UVRAG: variants seen among roughly 807,000 people sequenced by gnomAD.
The protein encoded by UVRAG is UV radiation resistance associated.
UVRAG carries 19 observed loss-of-function variants against 78.0 expected under a neutral mutation model. The ratio of observed to expected loss-of-function variants is 0.24; its 90% confidence interval spans 0.17 to 0.36. The LOEUF (loss-of-function observed/expected upper bound fraction) is 0.36. Ranked by LOEUF, UVRAG falls within the 10% of genes least tolerant of loss-of-function variation. The probability of loss-of-function intolerance (pLI) is 1.00; values close to 1 mark genes in which losing one functional copy is unlikely to be tolerated. For missense variants in UVRAG, 740 were observed against 853.8 expected, an observed-to-expected ratio of 0.87 and a Z score of 1.66; for synonymous variants, 323 against 324.6, an observed-to-expected ratio of 1.00 and a Z score of 0.05.
At chr11:75,945,194 G>A (rs1288009055) in intron 6 of UVRAG, among the ~76,000 whole-genome samples, 1 of 151,998 alleles carries the variant, frequency 6.6e-6, no homozygotes, top group East Asian at 1.9e-4. Flanking sequence ...TTAATTCCGT[G>A]GGTGTCTGTT....
At chr11:76,104,052 A>C (rs976433182) in intron 13 of UVRAG, among the ~76,000 whole-genome samples, 2 of 152,134 alleles carry the variant, frequency 1.3e-5, no homozygotes, top group African/African-American at 4.8e-5. Flanking sequence ...CAATATTTAG[A>C]CTGTGCGCTG....
intron 13 of UVRAG, among the ~76,000 whole-genome samples, chr11:76,066,558 T>C (rs1248026106): frequency 2.0e-5 from 3 of 152,084 alleles, no homozygotes; most frequent in African/African-American, 4.8e-5. Flanking sequence ...CTGCAACCTC[T>C]ACCTCCCGGG....
At chr11:75,986,468 G>T (rs1949503166) in intron 8 of UVRAG, among the ~76,000 whole-genome samples, 1 of 152,030 alleles carries the variant, frequency 6.6e-6, no homozygotes, top group Non-Finnish European at 1.5e-5. Flanking sequence ...TACAGTTACA[G>T]CCCTGCAGCT....
intron 12 of UVRAG, among the ~76,000 whole-genome samples, chr11:76,029,585 T>C (rs960170608): frequency 6.6e-6 from 1 of 152,148 alleles, no homozygotes; most frequent in Non-Finnish European, 1.5e-5. Context: ...AAGACTTCAG[T>C]GGAAGAAATA....
intron 8 of UVRAG, among the ~76,000 whole-genome samples, chr11:76,002,660 G>A (rs1445246013): frequency 6.6e-6 from 1 of 152,172 alleles, no homozygotes; most frequent in African/African-American, 2.4e-5. Flanking sequence ...TGAAGATTTG[G>A]GAAGGAGTTA....
chr11:75,951,368 T>TTTTTGTTTG (rs529777613), intron 6 of UVRAG, among the ~76,000 whole-genome samples: 113 of 150,408 alleles, frequency 7.5e-4, no homozygotes, highest in African/African-American at 2.6e-3. Flanking sequence ...TGTATATATT[T>TTTTTGTTTG]TTTGTTTGTT....
At chr11:76,057,802 T>C (rs539073094) in intron 12 of UVRAG, among the ~76,000 whole-genome samples, 1 of 152,168 alleles carries the variant, frequency 6.6e-6, no homozygotes, top group Non-Finnish European at 1.5e-5. Context: ...CCATAATAAT[T>C]TAGTATGGGT....
chr11:75,952,392 A>G (rs774207304), intron 6 of UVRAG, among the ~76,000 whole-genome samples: 4 of 151,512 alleles, frequency 2.6e-5, no homozygotes, highest in Admixed American at 6.6e-5. Context: ...ATTTTTTTCT[A>G]TAAACCTTTT....
chr11:75,949,935 AC>A (rs1948659148), intron 6 of UVRAG, among the ~76,000 whole-genome samples: 1 of 151,956 alleles, frequency 6.6e-6, no homozygotes, highest in Non-Finnish European at 1.5e-5. Context: ...TCCCTGGGAC[AC>A]TTTTCTTACT....
chr11:75,856,150 C>T (rs1422184182), intron 2 of UVRAG, among the ~76,000 whole-genome samples: 5 of 151,322 alleles, frequency 3.3e-5, no homozygotes, highest in African/African-American at 1.2e-4. Flanking sequence ...CCACCACGCC[C>T]AGCTAATTTT....
At chr11:76,043,174 G>A (rs991063940) in intron 12 of UVRAG, among the ~76,000 whole-genome samples, 1 of 152,002 alleles carries the variant, frequency 6.6e-6, no homozygotes, top group African/African-American at 2.4e-5. Flanking sequence ...TGAGTATGTA[G>A]GTCATTATTC....
chr11:75,833,664 T>C (rs975304677), intron 1 of UVRAG, among the ~76,000 whole-genome samples: 2 of 152,150 alleles, frequency 1.3e-5, no homozygotes, highest in Admixed American at 6.5e-5. Context: ...GGAACAGAGA[T>C]TTACCCACGT....
intron 5 of UVRAG, among the ~76,000 whole-genome samples, chr11:75,889,796 G>A (rs1321206273): frequency 2.0e-5 from 3 of 152,176 alleles, no homozygotes; most frequent in Non-Finnish European, 4.4e-5. Context: ...ATATGCAAGA[G>A]GCAAACACTG....
intron 13 of UVRAG, among the ~76,000 whole-genome samples, chr11:76,114,625 ATT>A (rs1217631679): frequency 6.6e-6 from 1 of 152,246 alleles, no homozygotes; most frequent in Non-Finnish European, 1.5e-5. Context: ...CATTCAAACC[ATT>A]CAGGAGACCC....
intron 6 of UVRAG, among the ~76,000 whole-genome samples, chr11:75,923,357 T>C (rs1036872193): frequency 2.6e-5 from 4 of 152,196 alleles, no homozygotes; most frequent in Non-Finnish European, 4.4e-5. Context: ...GTGTTGTTGT[T>C]ATGGGGGGAG....
intron 5 of UVRAG, chr11:75,892,203 A>G (rs1338137479): frequency 8.1e-6 from 3 of 372,572 alleles, no homozygotes; most frequent in Non-Finnish European, 1.1e-5. Context: ...GATTGGAGAG[A>G]ACCTGGAAAG....
intron 5 of UVRAG, among the ~76,000 whole-genome samples, chr11:75,892,848 G>A (rs1254410117): frequency 1.3e-5 from 2 of 152,146 alleles, no homozygotes; most frequent in African/African-American, 4.8e-5. Flanking sequence ...TCAGCACCAA[G>A]CAAGAAGCAA....
chr11:75,977,272 G>A (rs1591084929), intron 7 of UVRAG, among the ~76,000 whole-genome samples: 2 of 152,196 alleles, frequency 1.3e-5, no homozygotes, highest in African/African-American at 2.4e-5. Flanking sequence ...ATTTGCCGAG[G>A]AGGGCTTTAC....
chr11:75,866,270 A>G (rs906970612), intron 3 of UVRAG, among the ~76,000 whole-genome samples: 45 of 151,870 alleles, frequency 3.0e-4, no homozygotes, highest in African/African-American at 1.0e-3. Flanking sequence ...CCTATATCCC[A>G]GTACTTTAGG....
Sources: allele counts gnomAD v4.1 joint callset (sites outside exome capture counted in the v4.1 genomes callset), GRCh38; gene constraint gnomAD v4.1.1; transcripts MANE v1.5; gene names NCBI Gene and HGNC (gene_info 2026-07-23, HGNC 2026-07-21).